The following PRKRIP1 variants were observed in gnomAD, a reference collection of about 807,000 sequenced individuals.
The protein encoded by PRKRIP1 is PRKR interacting protein 1, also known as PRKR-interacting protein 1.
Under a neutral mutation model 29.3 loss-of-function variants are expected in PRKRIP1, and 29 were observed. The observed-to-expected ratio is 0.99, with a 90% CI of 0.74 to 1.35. PRKRIP1 has a LOEUF of 1.35. Ranked by LOEUF, PRKRIP1 falls within the 40% of genes most tolerant of loss-of-function variation. PRKRIP1 has a pLI of 0.00. For synonymous variants in PRKRIP1, 90 were observed against 85.1 expected, an observed-to-expected ratio of 1.06 and a Z score of -0.32; for missense variants, 247 against 236.8, an observed-to-expected ratio of 1.04 and a Z score of -0.28.
intron 3 of PRKRIP1, chr7:102,404,251 A>G (rs1796152453): frequency 5.4e-6 from 1 of 186,406 alleles, no homozygotes; most frequent in South Asian, 1.5e-4. Flanking sequence ...CCGGCCATTC[A>G]TTCTGATGAG....
At chr7:102,401,570 C>T (rs1796071446) in intron 3 of PRKRIP1, among the ~76,000 whole-genome samples, 1 of 152,090 alleles carries the variant, frequency 6.6e-6, no homozygotes, top group Admixed American at 6.6e-5. Flanking sequence ...CCCATCTCTA[C>T]TAAAAATACA....
rs782742816 is a variant in PRKRIP1, at chr7:102,399,628, A to G, written c.286A>G (p.Met96Val). 7 of 1,613,696 alleles carry G rather than the reference A, an allele frequency of 4.3e-6. No homozygotes were observed. In the African/African-American group the frequency reaches 5.3e-5, roughly 12 times the overall value. The change falls in exon 3 of 6, where the codon ATG becomes GTG. Residue 96 changes from methionine (M) to valine (V), a missense_variant. Coordinates refer to ENST00000397912, the MANE Select transcript of PRKRIP1 (RefSeq NM_024653.4). The stretch of plus-strand genomic sequence containing the variant: ...GAGAGAATATCAGCGACAGGACTAC[A>G]TGGATGCCATGGCTGAGAAGGTCAG... Reference protein sequence around the residue: ...RRREYQRQDYMDAMAEKQKLD... With the variant: ...RRREYQRQDYVDAMAEKQKLD...
At chr7:102,423,066 G>C (rs1554573962) in intron 5 of PRKRIP1, 1 of 436,496 alleles carries the variant, frequency 2.3e-6, no homozygotes. Context: ...CAAACATCCA[G>C]CTCAACGAGT....
chr7:102,399,435 G>T lies in PRKRIP1; in HGVS notation c.206-113G>T. ...TCTGGATACAGTGGGGAGAAAGGAA[G>T]GCATGGTCCCTTCCACGACTTCCAC... is the stretch of plus-strand genomic sequence containing the variant. On this transcript the variant is annotated intron_variant, in intron 2 of 5. Transcript: ENST00000397912. 5.2e-6 allele frequency: 4 copies of T among 773,326 alleles called. No individual in the cohort carries two copies. In the South Asian group the frequency reaches 6.1e-5, roughly 12 times the overall value. 47.9% of individuals were successfully genotyped at this position (773,326 alleles called of 1,614,324 possible).
intron 5 of PRKRIP1, among the ~76,000 whole-genome samples, chr7:102,422,143 A>AATTATTATTATT (rs34497895): frequency 2.8e-4 from 37 of 133,386 alleles, no homozygotes; most frequent in South Asian, 5.0e-4. Flanking sequence ...TCATACACAA[A>AATTATTATTATT]ATTATTATTA....
chr7:102,421,808 A>G (rs984901612), intron 5 of PRKRIP1, among the ~76,000 whole-genome samples: 1 of 152,054 alleles, frequency 6.6e-6, no homozygotes, highest in Non-Finnish European at 1.5e-5. Context: ...AAAAAAAAAA[A>G]AAGTGTCCAG....
chr7:102,409,364 C>T (rs781149081), intron 5 of PRKRIP1, among the ~76,000 whole-genome samples: 2 of 152,124 alleles, frequency 1.3e-5, no homozygotes, highest in Non-Finnish European at 2.9e-5. Flanking sequence ...TCAACACTTT[C>T]CCCTCCACCG....
chr7:102,422,742 G>A (rs543189134), intron 5 of PRKRIP1, among the ~76,000 whole-genome samples: 21 of 152,266 alleles, frequency 1.4e-4, no homozygotes, highest in African/African-American at 4.6e-4. Context: ...CTCCCAAAGT[G>A]CTGGGATTAC....
At chr7:102,416,787 C>G (rs1171848721) in intron 5 of PRKRIP1, among the ~76,000 whole-genome samples, 1 of 151,838 alleles carries the variant, frequency 6.6e-6, no homozygotes, top group African/African-American at 2.4e-5. Context: ...TCAGGTGATC[C>G]TCCTTCCTCA....
intron 5 of PRKRIP1, among the ~76,000 whole-genome samples, chr7:102,412,225 A>G (rs999181375): frequency 2.5e-4 from 38 of 152,190 alleles, no homozygotes; most frequent in African/African-American, 9.2e-4. Flanking sequence ...CTTTGTACCA[A>G]ATGGGAAGAA....
intron 5 of PRKRIP1, among the ~76,000 whole-genome samples, chr7:102,412,336 C>G (rs1796409766): frequency 6.6e-6 from 1 of 151,892 alleles, no homozygotes; most frequent in African/African-American, 2.4e-5. Flanking sequence ...GGGAGGATCT[C>G]TTGAGCCCAG....
intron 5 of PRKRIP1, among the ~76,000 whole-genome samples, chr7:102,424,133 G>A (rs1796776159): frequency 6.6e-6 from 1 of 152,256 alleles, no homozygotes; most frequent in African/African-American, 2.4e-5. Context: ...TTTAGGCTGG[G>A]CTGTGCCTTT....
At chr7:102,417,539 T>C (rs1796587301) in intron 5 of PRKRIP1, among the ~76,000 whole-genome samples, 2 of 152,112 alleles carry the variant, frequency 1.3e-5, no homozygotes, top group Non-Finnish European at 2.9e-5. Flanking sequence ...TTACTACTCA[T>C]AGTATTCCCA....
At chr7:102,422,913 T>G (rs1384026532) in intron 5 of PRKRIP1, 1 of 173,844 alleles carries the variant, frequency 5.8e-6, no homozygotes, top group Non-Finnish European at 1.2e-5. Flanking sequence ...TATTCCAAAG[T>G]CTGGAAACAT....
chr7:102,397,314 G>T (rs10268289), intron 1 of PRKRIP1, among the ~76,000 whole-genome samples: 1 of 152,018 alleles, frequency 6.6e-6, no homozygotes, highest in East Asian at 1.9e-4. Flanking sequence ...GAGGCCAGGC[G>T]GGAGGATGGT....
chr7:102,420,785 C>T (rs1796672827), intron 5 of PRKRIP1, among the ~76,000 whole-genome samples: 1 of 152,180 alleles, frequency 6.6e-6, no homozygotes, highest in Admixed American at 6.6e-5. Context: ...CATGACGCTC[C>T]AAGTAGGAAT....
chr7:102,425,630 C>T lies in PRKRIP1; in HGVS notation c.*519C>T. 3 of 231,610 alleles carry T rather than the reference C, an allele frequency of 1.3e-5. No homozygotes were observed. The highest frequency in any genetic ancestry group is 4.4e-5 in the South Asian group (1 of 22,620). The allele number at this position is 231,610 out of a possible 1,614,324, so 14.3% of individuals were successfully genotyped here. ...TCACTCCAGTGGGAAGTGGGGACCACGCCATAGAGGGTCTGCTCCCACTGC... is the reference window on the plus strand; with the variant it reads ...TCACTCCAGTGGGAAGTGGGGACCATGCCATAGAGGGTCTGCTCCCACTGC... On this transcript the variant is annotated 3_prime_UTR_variant, in exon 6 of 6. Coordinates refer to ENST00000397912, the MANE Select transcript of PRKRIP1 (RefSeq NM_024653.4).
intron 2 of PRKRIP1, 27 bp downstream of exon 2, chr7:102,397,725 TG>T: frequency 6.3e-7 from 1 of 1,591,984 alleles, no homozygotes; most frequent in Non-Finnish European, 8.6e-7. Flanking sequence ...TGTGTGTGTG[TG>T]TGTGTGTGTG....
intron 1 of PRKRIP1, 116 bp downstream of exon 1, chr7:102,396,653 G>C: frequency 8.9e-7 from 1 of 1,122,510 alleles, no homozygotes; most frequent in South Asian, 1.4e-5. Context: ...CTCAGTATCC[G>C]ACCCTCCAAG....
Sources: allele counts gnomAD v4.1 joint callset (sites outside exome capture counted in the v4.1 genomes callset), GRCh38; gene constraint gnomAD v4.1.1; transcripts MANE v1.5; gene names NCBI Gene and HGNC (gene_info 2026-07-23, HGNC 2026-07-21).